ARMH1: variants seen among roughly 807,000 people sequenced by gnomAD.
ARMH1 encodes the protein armadillo like helical domain containing 1, also known as armadillo-like helical domain containing protein 1.
ARMH1 carries 34 observed loss-of-function variants against 50.2 expected under a neutral mutation model. The observed-to-expected ratio is 0.68, with a 90% CI of 0.51 to 0.90. The LOEUF is 0.90. ARMH1 is among the 40% of genes least tolerant of loss of function. The probability of loss-of-function intolerance (pLI) is 0.00; values close to 1 mark genes in which losing one functional copy is unlikely to be tolerated. For synonymous variants in ARMH1, 221 were observed against 224.2 expected (o/e 0.99, Z 0.13); for missense variants, 538 against 553.9 (o/e 0.97, Z 0.29).
chr1:44,713,813 T>G (rs754136908), intron 6 of ARMH1, among the ~76,000 whole-genome samples: 4 of 152,132 alleles, frequency 2.6e-5, no homozygotes, highest in Non-Finnish European at 5.9e-5. Context: ...TTGGGCTGGG[T>G]GAAAGCAGAT....
At chr1:44,703,600 G>C (rs1007518031) in intron 5 of ARMH1, among the ~76,000 whole-genome samples, 47 of 150,794 alleles carry the variant, frequency 3.1e-4, no homozygotes, top group Admixed American at 5.9e-4. Context: ...ATGGTGGCGG[G>C]CACCTGTAAT....
At chr1:44,717,147 C>T (rs931920312) in intron 6 of ARMH1, among the ~76,000 whole-genome samples, 1 of 152,190 alleles carries the variant, frequency 6.6e-6, no homozygotes, top group Non-Finnish European at 1.5e-5. Flanking sequence ...CCGCGCCCGG[C>T]CTGAAATCAG....
Position 44,701,244 on chromosome 1 carries a change from T to C in ARMH1, c.639+125T>C, listed in dbSNP as rs1646069237. Reference sequence around the variant, plus strand: ...TCAGCCTCCCACTGCATGTCTGTTGTTCAATCAGCGTTACTTCCAGAAGGC... The same window carrying C: ...TCAGCCTCCCACTGCATGTCTGTTGCTCAATCAGCGTTACTTCCAGAAGGC... On this transcript the variant is annotated intron_variant, in intron 5 of 11. Coordinates refer to ENST00000535358, the MANE Select transcript of ARMH1 (RefSeq NM_001145636.2). The C allele has an allele frequency of 3.1e-6, 3 of 959,372 alleles. No individual in the cohort carries two copies. The South Asian group carries it at 5.5e-5, about 18-fold the overall frequency. 59.4% of individuals were successfully genotyped at this position (959,372 alleles called of 1,614,324 possible). A position where few individuals can be genotyped will look rare whatever the true frequency, so the allele number is the denominator to read the frequency against.
In ARMH1 at chr1:44,708,604, G is replaced by T. The variant is rs191288872; in HGVS notation, c.724+4431G>T. 2.7e-3 allele frequency among the ~76,000 whole-genome samples: 410 copies of T among 152,258 alleles called. 2 individuals carry two copies. Among genetic ancestry groups the T allele is most frequent in the African/African-American group, 9.6e-3 (399 of 41,538 alleles). ...GTTATTGGCATCCTTCCCTTAGAAA[G>T]CTACAGGGAAAGTGGCATCCTCAGG... On this transcript the variant is annotated intron_variant, in intron 6 of 11. Transcript: ENST00000535358.
chr1:44,697,966 A>G, intron 3 of ARMH1, 97 bp from the exon 4 acceptor site: 1 of 958,098 alleles, frequency 1.0e-6, no homozygotes, highest in African/African-American at 1.7e-5. Flanking sequence ...ATAGGAGGGC[A>G]AAGTATGTAA....
chr1:44,689,964 A>C, intron 2 of ARMH1, 61 bp downstream of exon 2: 3 of 1,470,274 alleles, frequency 2.0e-6, no homozygotes, highest in Non-Finnish European at 2.8e-6. Flanking sequence ...TCACGCCTGT[A>C]ATCCCAGCAC....
chr1:44,720,652 T>C (rs1282672068), intron 6 of ARMH1, among the ~76,000 whole-genome samples: 1 of 151,872 alleles, frequency 6.6e-6, no homozygotes, highest in East Asian at 1.9e-4. Flanking sequence ...GAGTGAAGAG[T>C]GAAGGCAGAG....
intron 1 of ARMH1, among the ~76,000 whole-genome samples, chr1:44,688,765 C>T (rs1277950303): frequency 3.3e-5 from 5 of 152,186 alleles, no homozygotes; most frequent in African/African-American, 1.2e-4. Flanking sequence ...TTTTGGAAAA[C>T]AGGTTTATCT....
chr1:44,699,195 A>G lies in ARMH1; in HGVS notation c.442+966A>G, dbSNP rs547982522. ...GCTACTTGGGAGGCTGAGGTGGGAGAATCGCTTGAACCCGGGAGGTGGACA... is the reference window on the plus strand; with the variant it reads ...GCTACTTGGGAGGCTGAGGTGGGAGGATCGCTTGAACCCGGGAGGTGGACA... On this transcript the variant is annotated intron_variant, in intron 4 of 11. Coordinates refer to ENST00000535358, the MANE Select transcript of ARMH1 (RefSeq NM_001145636.2). 8.6e-5 allele frequency among the ~76,000 whole-genome samples: 13 copies of G among 151,410 alleles called. No homozygotes were observed. The East Asian group carries it at 2.6e-3, about 30-fold the overall frequency.
Position 44,724,003 on chromosome 1 carries a change from A to C in ARMH1, c.725-119A>C. On this transcript the variant is annotated intron_variant, in intron 6 of 11. Transcript: ENST00000535358. This position sits in a 1 kb window ranked among gnomAD's most constrained non-coding sequence, Gnocchi z 6.4. ...TTCCCAGCTCCCCCACGCCCTGCAC[A>C]GTGCTGATCAGTAAAAGAGGAGGAC... is the stretch of plus-strand genomic sequence containing the variant. The C allele has an allele frequency of 1.5e-5, 19 of 1,230,824 alleles. No individual in the cohort carries two copies. Among genetic ancestry groups the C allele is most frequent in the Non-Finnish European group, 1.8e-5 (16 of 906,244 alleles). The allele number at this position is 1,230,824 out of a possible 1,614,324, so 76.2% of individuals were successfully genotyped here. A position where few individuals can be genotyped will look rare whatever the true frequency, so the allele number is the denominator to read the frequency against.
chr1:44,680,944 G>A (rs1645288288), intron 1 of ARMH1, among the ~76,000 whole-genome samples: 1 of 151,272 alleles, frequency 6.6e-6, no homozygotes, highest in African/African-American at 2.4e-5. Flanking sequence ...AAGGCCGTAG[G>A]AATGACTTCC....
intron 5 of ARMH1, among the ~76,000 whole-genome samples, chr1:44,701,939 C>A (rs564335389): frequency 1.3e-5 from 2 of 149,418 alleles, no homozygotes; most frequent in African/African-American, 4.9e-5. Flanking sequence ...AAAAAAAAGG[C>A]AAATTCAAAA....
intron 2 of ARMH1, among the ~76,000 whole-genome samples, chr1:44,690,419 C>T (rs1202442632): frequency 2.0e-5 from 3 of 152,094 alleles, no homozygotes; most frequent in Non-Finnish European, 4.4e-5. Context: ...TTTCTCACCC[C>T]TAACCTCTTT....
At chr1:44,697,051 G>A (rs566674459) in intron 2 of ARMH1, 51 bp from the exon 3 acceptor site, 3 of 1,399,542 alleles carry the variant, frequency 2.1e-6, no homozygotes, top group African/African-American at 1.4e-5. Flanking sequence ...ACGGGCTCTG[G>A]CTTCTGTGTG....
At chr1:44,698,591 A>C (rs1166091658) in intron 4 of ARMH1, among the ~76,000 whole-genome samples, 1 of 151,926 alleles carries the variant, frequency 6.6e-6, no homozygotes, top group Admixed American at 6.6e-5. Flanking sequence ...CAGGAAGATC[A>C]CCTGAGGTCA....
chr1:44,724,446 G>T lies in ARMH1; in HGVS notation c.920+54G>T, dbSNP rs1359267500. On this transcript the variant is annotated intron_variant, in intron 8 of 11. Transcript: ENST00000535358. This position sits in a 1 kb window ranked among gnomAD's most constrained non-coding sequence, Gnocchi z 6.4. ...GCAGCAAGCCTGGCTTGGCGCTGCC[G>T]GCGGGCCCCGGGAGCGCTCCGTGCG... 1.3e-6 allele frequency: 2 copies of T among 1,533,708 alleles called. No individual in the cohort carries two copies. The highest frequency in any genetic ancestry group is 1.4e-5 in the African/African-American group (1 of 72,650).
chr1:44,713,222 C>A (rs979929566), intron 6 of ARMH1, among the ~76,000 whole-genome samples: 17 of 151,772 alleles, frequency 1.1e-4, no homozygotes, highest in Non-Finnish European at 2.4e-4. Flanking sequence ...CCTCAGCCTC[C>A]CGAGTAGCTG....
At chr1:44,704,403 G>A (rs931496796) in intron 6 of ARMH1, among the ~76,000 whole-genome samples, 1 of 152,120 alleles carries the variant, frequency 6.6e-6, no homozygotes, top group African/African-American at 2.4e-5. Flanking sequence ...AGCTGGCTCT[G>A]GCTCCCAGTC....
In ARMH1 at chr1:44,725,146, A is replaced by T; in HGVS notation, c.1139A>T (p.Glu380Val). The T allele has an allele frequency of 6.4e-7, 1 of 1,551,910 alleles. No homozygotes were observed. Among genetic ancestry groups the T allele is most frequent in the Non-Finnish European group, 8.7e-7 (1 of 1,147,024 alleles). Residue 380 changes from glutamate (E) to valine (V), a missense_variant, in exon 11 of 12, where the codon GAG (glutamate) becomes GTG (valine). Physicochemically the swap from Glu to Val is moderately radical, Grantham distance 121. Transcript: ENST00000535358. ...TGCTCCTGTCCTCAGAGCAACGCTG[A>T]GGACTTGTACATGAAAATAGACAGC... The part of the protein sequence containing the change: ...ELYQLFLSNA[E>V]DLYMKIDSIQ...
Sources: gnomAD v4.1 joint callset for allele counts (sites outside exome capture counted in the v4.1 genomes callset) on GRCh38, gnomAD v4.1.1 for gene constraint, Gnocchi (gnomAD v3.1) non-coding constraint, MANE v1.5 for transcripts, NCBI Gene and HGNC (gene_info 2026-07-23, HGNC 2026-07-21) for gene names.